Variants in STAT5A observed in about 807,000 individuals in gnomAD.
STAT5A encodes the protein signal transducer and activator of transcription 5A.
Under a neutral mutation model 100.2 loss-of-function variants are expected in STAT5A, and 26 were observed. The ratio of observed to expected loss-of-function variants is 0.26; its 90% confidence interval spans 0.19 to 0.36. The LOEUF (loss-of-function observed/expected upper bound fraction) is 0.36, where lower values mean the gene tolerates loss of function less well. STAT5A is among the 10% of genes least tolerant of loss of function. STAT5A has a pLI of 1.00. For synonymous variants in STAT5A, 330 were observed against 424.3 expected (o/e 0.78, Z 2.73); for missense variants, 634 against 1,027.5 (o/e 0.62, Z 5.24).
intron 9 of STAT5A, among the ~76,000 whole-genome samples, chr17:42,303,706 G>C (rs2081002246): frequency 6.6e-6 from 1 of 151,666 alleles, no homozygotes; most frequent in Non-Finnish European, 1.5e-5. Flanking sequence ...GCAAAGCTCT[G>C]TCTCAAAAAA....
At chr17:42,300,441 T>A (rs1336726038) in intron 7 of STAT5A, among the ~76,000 whole-genome samples, 160 bp downstream of exon 7, 3 of 152,042 alleles carry the variant, frequency 2.0e-5, no homozygotes, top group Non-Finnish European at 2.9e-5. Flanking sequence ...TTGGTCCCCA[T>A]CCTGTGCACC....
chr17:42,301,288 G>A lies in STAT5A; in HGVS notation c.1003G>A (p.Glu335Lys), dbSNP rs2080976146. 5.6e-6 allele frequency: 9 copies of A among 1,613,668 alleles called. No homozygotes were observed. The highest frequency in any genetic ancestry group is 7.6e-6 in the Non-Finnish European group (9 of 1,179,938). The change falls in exon 9 of 19, where the codon GAG becomes AAG. Residue 335 changes from glutamate (E) to lysine (K), a missense_variant. By Grantham distance (56) the Glu-to-Lys change is moderately conservative. Coordinates refer to ENST00000590949, the MANE Select transcript of STAT5A (RefSeq NM_001288718.2). Reference sequence around the variant, plus strand: ...TGTCCCATGCAGCACATTCATCATTGAGAAGCAGCCTCCTCAGGTCCTGAA... The same window carrying A: ...TGTCCCATGCAGCACATTCATCATTAAGAAGCAGCCTCCTCAGGTCCTGAA... ...SALVTSTFII[E>K]KQPPQVLKTQ...
rs1363591886 is a variant in STAT5A, at chr17:42,297,847, C to G, written c.551-1904C>G. On this transcript the variant is annotated intron_variant, in intron 5 of 18. Coordinates refer to ENST00000590949, the MANE Select transcript of STAT5A (RefSeq NM_001288718.2). ...CCTGGCTACATAGAGTTGCTTTTGT[C>G]TGTCCCAGCTTGTGCATCCCATGGG... is the stretch of plus-strand genomic sequence containing the variant. Among the ~76,000 whole-genome samples, 28 of 152,126 alleles carry G rather than the reference C, an allele frequency of 1.8e-4. 1 individual carries two copies. The South Asian group carries it at 5.6e-3, about 30-fold the overall frequency.
chr17:42,307,671 C>T lies in STAT5A; in HGVS notation c.1854C>T (p.Arg618=), dbSNP rs1180134239. 1.9e-6 allele frequency: 3 copies of T among 1,614,110 alleles called. No homozygotes were observed. In the South Asian group the frequency reaches 3.3e-5, roughly 18 times the overall value. ...INKPDGTFLL[R]FSDSEIGGIT... ...AGCCCGACGGGACCTTCTTGTTGCG[C>T]TTTAGTGACTCAGAAATCGGGGGCA... is the stretch of plus-strand genomic sequence containing the variant. Residue 618 remains arginine (R), a synonymous_variant, in exon 15 of 19, where the codon CGC becomes CGT. Coordinates refer to ENST00000590949, the MANE Select transcript of STAT5A (RefSeq NM_001288718.2).
intron 3 of STAT5A, among the ~76,000 whole-genome samples, chr17:42,291,675 C>T (rs1457219017): frequency 6.6e-6 from 1 of 151,248 alleles, no homozygotes; most frequent in East Asian, 1.9e-4. Flanking sequence ...GAGATCACAC[C>T]ATTGCACCTT....
At chr17:42,309,875 G>C (rs1203118459) in intron 18 of STAT5A, among the ~76,000 whole-genome samples, 1 of 152,178 alleles carries the variant, frequency 6.6e-6, no homozygotes, top group Non-Finnish European at 1.5e-5. Flanking sequence ...TCTTGAGTCT[G>C]GTGGGAACAA....
rs776433599 is a variant in STAT5A, at chr17:42,307,630, G to A, written c.1813G>A (p.Asp605Asn). The change falls in exon 15 of 19, where the codon GAC (aspartate) becomes AAC (asparagine). Residue 605 changes from aspartate to asparagine, a missense_variant. Around this residue, in one of 5 missense-constraint regions of STAT5A, gnomAD observed 210 missense variants for 428.4 expected, o/e 0.49. Transcript: ENST00000590949. ...TTTTGTGAATAAGCAACAGGCCCAC[G>A]ACCTGCTCATCAACAAGCCCGACGG... ...LGFVNKQQAH[D>N]LLINKPDGTF... 9 of 1,613,944 alleles carry A rather than the reference G, an allele frequency of 5.6e-6. No individual in the cohort carries two copies. The highest frequency in any genetic ancestry group is 1.6e-4 in the Middle Eastern group (1 of 6,084).
chr17:42,296,762 C>T (rs756483733), intron 5 of STAT5A, among the ~76,000 whole-genome samples: 7 of 152,024 alleles, frequency 4.6e-5, no homozygotes, highest in South Asian at 2.1e-4. Context: ...CTCAGTCTCC[C>T]GCATAGCTGG....
rs758471182 is a variant in STAT5A, at chr17:42,290,008, G to A, written c.271G>A (p.Ala91Thr). The change falls in exon 3 of 19, where the codon GCC becomes ACC. Residue 91 changes from alanine to threonine, a missense_variant. This residue lies in a region of STAT5A where 207 missense variants were observed against 256.6 expected (regional missense o/e 0.81). Coordinates refer to ENST00000590949, the MANE Select transcript of STAT5A (RefSeq NM_001288718.2). The stretch of plus-strand genomic sequence containing the variant: ...ACTGAAGATCAAGCTGGGGCACTAC[G>A]CCACGCAGCTCCAGGTGGGTGTAGG... ...FLLKIKLGHY[A>T]TQLQKTYDRC... 63 of 1,612,540 alleles carry A rather than the reference G, an allele frequency of 3.9e-5. No individual in the cohort carries two copies. Among genetic ancestry groups the A allele is most frequent in the African/African-American group, 1.3e-5 (1 of 74,896 alleles).
rs2081051143 is a variant in STAT5A, at chr17:42,308,526, TCC to T, written c.2062+195_2062+196del. On this transcript the variant is annotated intron_variant, in intron 16 of 18. Coordinates refer to ENST00000590949, the MANE Select transcript of STAT5A (RefSeq NM_001288718.2). This position sits in a 1 kb window ranked among gnomAD's most constrained non-coding sequence, Gnocchi z 4.6. Reference sequence around the variant, plus strand: ...ATGAGGAGAGGGAACGAGAAACCCGTCCCAGCTCTCTTCTCTGCAAAGTGAAA... The same window carrying T: ...ATGAGGAGAGGGAACGAGAAACCCGTCAGCTCTCTTCTCTGCAAAGTGAAA... 11 of 692,954 alleles carry T rather than the reference TCC, an allele frequency of 1.6e-5. No individual in the cohort carries two copies. The highest frequency in any genetic ancestry group is 2.4e-5 in the Non-Finnish European group (10 of 422,786). 42.9% of individuals were successfully genotyped at this position (692,954 alleles called of 1,614,324 possible).
intron 4 of STAT5A, 52 bp from the exon 5 acceptor site, chr17:42,295,567 G>A: frequency 6.3e-7 from 1 of 1,575,678 alleles, no homozygotes; most frequent in East Asian, 2.3e-5. Context: ...AATGCCTGTG[G>A]TCTTCTCCCA....
In STAT5A at chr17:42,300,715, G is replaced by T. The variant is rs2080968944; in HGVS notation, c.834G>T (p.Trp278Cys). The change falls in exon 8 of 19, where the codon TGG becomes TGT. Residue 278 changes from tryptophan (W) to cysteine (C), a missense_variant and splice_region_variant. By Grantham distance (215) the Trp-to-Cys change is radical (BLOSUM62 -2). Transcript: ENST00000590949. Reference protein sequence around the residue: ...PEGSLDVLQSWCEKLAEIIWQ... With the variant: ...PEGSLDVLQSCCEKLAEIIWQ... Reference sequence around the variant, plus strand: ...TGTTGGCCTTGGGGCTCTCGTGCAGGTGTGAGAAGTTGGCCGAGATCATCT... The same window carrying T: ...TGTTGGCCTTGGGGCTCTCGTGCAGTTGTGAGAAGTTGGCCGAGATCATCT... 6.2e-7 allele frequency: 1 copy of T among 1,613,638 alleles called. No homozygotes were observed. Among genetic ancestry groups the T allele is most frequent in the South Asian group, 1.1e-5 (1 of 91,070 alleles).
Position 42,307,391 on chromosome 17 carries a change from T to G in STAT5A, c.1681-11T>G, listed in dbSNP as rs770001605. On this transcript the variant is annotated splice_polypyrimidine_tract_variant and intron_variant, in intron 13 of 18. Transcript: ENST00000590949. ...GCACCAGCCCTGACTCGGGGGTTCC[T>G]GGGCCCTCAGGAGAACTTGCCGGGC... The G allele has an allele frequency of 3.2e-5, 52 of 1,612,998 alleles. No individual in the cohort carries two copies. In the Admixed American group the frequency reaches 7.3e-4, roughly 23 times the overall value.
rs1174045708 is a variant in STAT5A, at chr17:42,304,309, C to T, written c.1170-33C>T. The T allele has an allele frequency of 6.2e-7, 1 of 1,608,882 alleles. No individual in the cohort carries two copies. Among genetic ancestry groups the T allele is most frequent in the South Asian group, 1.1e-5 (1 of 90,940 alleles). On this transcript the variant is annotated intron_variant, in intron 9 of 18. Coordinates refer to ENST00000590949, the MANE Select transcript of STAT5A (RefSeq NM_001288718.2). This position sits in a 1 kb window ranked among gnomAD's most constrained non-coding sequence, Gnocchi z 4.8. ...AGGACCATGCTCCTGGCCTGGGGCC[C>T]ATGTGGAGCTGGGACCCCCCTCTCC...
intron 4 of STAT5A, among the ~76,000 whole-genome samples, chr17:42,292,673 C>A (rs2144502652): frequency 6.6e-6 from 1 of 150,842 alleles, no homozygotes; most frequent in African/African-American, 2.4e-5. Context: ...GTTGCCCAGG[C>A]TGGAGTGCAG....
intron 8 of STAT5A, among the ~76,000 whole-genome samples, 155 bp downstream of exon 8, chr17:42,301,025 TG>T (rs1412224645): frequency 1.3e-5 from 2 of 152,126 alleles, no homozygotes; most frequent in African/African-American, 4.8e-5. Context: ...GTGCCGCCCT[TG>T]CCCAGTTTCT....
In STAT5A at chr17:42,300,780, G is replaced by T. The variant is rs1190441220; in HGVS notation, c.899G>T (p.Cys300Phe). 12 of 1,612,564 alleles carry T rather than the reference G, an allele frequency of 7.4e-6. No individual in the cohort carries two copies. Among genetic ancestry groups the T allele is most frequent in the Non-Finnish European group, 1.0e-5 (12 of 1,179,416 alleles). Residue 300 changes from cysteine to phenylalanine, a missense_variant, in exon 8 of 19, where the codon TGC becomes TTC. By Grantham distance (205) the Cys-to-Phe change is radical (BLOSUM62 -2). This residue lies in a region of STAT5A where 98 missense variants were observed against 149.7 expected (regional missense o/e 0.65). Coordinates refer to ENST00000590949, the MANE Select transcript of STAT5A (RefSeq NM_001288718.2). The part of the protein sequence containing the change: ...RQQIRRAEHL[C>F]QQLPIPGPVE... ...CAGATCCGCAGGGCTGAGCACCTCT[G>T]CCAGCAGCTGCCCATCCCCGGCCCA...
chr17:42,307,109 GATGACTTTGGAGGA>G (rs1289505903), intron 13 of STAT5A, among the ~76,000 whole-genome samples: 2 of 152,254 alleles, frequency 1.3e-5, no homozygotes, highest in South Asian at 2.1e-4. Flanking sequence ...AAAATGAGGG[GATGACTTTGGAGGA>G]ATGACTTTGG....
rs746823742 is a variant in STAT5A, at chr17:42,301,341, A to C, written c.1056A>C (p.Val352=). 1.9e-6 allele frequency: 3 copies of C among 1,614,128 alleles called. No individual in the cohort carries two copies. The highest frequency in any genetic ancestry group is 2.5e-6 in the Non-Finnish European group (3 of 1,180,020). Reference sequence around the variant, plus strand: ...CCCAGACCAAGTTTGCAGCCACCGTACGCCTGCTGGTGGGCGGGAAGCTGA... The same window carrying C: ...CCCAGACCAAGTTTGCAGCCACCGTCCGCCTGCTGGTGGGCGGGAAGCTGA... ...LKTQTKFAAT[V]RLLVGGKLNV... Residue 352 remains valine, a synonymous_variant, in exon 9 of 19, where the codon GTA becomes GTC. Transcript: ENST00000590949.
Sources: allele counts gnomAD v4.1 joint callset (sites outside exome capture counted in the v4.1 genomes callset), GRCh38; gene constraint gnomAD v4.1.1; regional missense constraint gnomAD v4.1.1; non-coding constraint Gnocchi (gnomAD v3.1); transcripts MANE v1.5; gene names NCBI Gene and HGNC (gene_info 2026-07-23, HGNC 2026-07-21).